EIF5: variants seen among roughly 807,000 people sequenced by gnomAD.
EIF5 encodes the protein eukaryotic translation initiation factor 5.
Under a neutral mutation model 48.3 loss-of-function variants are expected in EIF5, and 10 were observed. The observed-to-expected ratio is 0.21, with a 90% CI of 0.13 to 0.35. The LOEUF is 0.35. Ranked by LOEUF, EIF5 falls within the 10% of genes least tolerant of loss-of-function variation. The pLI, the probability that EIF5 is intolerant of heterozygous loss-of-function variation, is 1.00. For missense variants in EIF5, 397 were observed against 533.2 expected, an observed-to-expected ratio of 0.74 and a Z score of 2.51; for synonymous variants, 237 against 173.1, an observed-to-expected ratio of 1.37 and a Z score of -2.90.
At position 103,343,703 on chromosome 14, in the gene EIF5, A is replaced by G. The variant is rs926632331; in HGVS notation, c.*2651A>G. ...GAGATGGCAGAAGTGAAAGCTGGCC[A>G]TCTGCAAAAAGCAGATAAGTGAGTT... On this transcript the variant is annotated 3_prime_UTR_variant, in exon 12 of 12. Transcript: ENST00000216554. The G allele has an allele frequency of 6.6e-5, 10 of 152,242 alleles. No individual in the cohort carries two copies. The highest frequency in any genetic ancestry group is 2.4e-4 in the African/African-American group (10 of 41,470). 9.4% of individuals were successfully genotyped at this position (152,242 alleles called of 1,614,324 possible).
intron 2 of EIF5, 134 bp from the exon 3 acceptor site, chr14:103,335,519 G>A (rs1345100604): frequency 5.9e-6 from 2 of 339,830 alleles, no homozygotes; most frequent in East Asian, 1.3e-4. Flanking sequence ...ATGGCTGTTT[G>A]CATGTGATCT....
In EIF5 at chr14:103,340,472, G is replaced by A; in HGVS notation, c.1117G>A (p.Val373Ile). ...CAAAGAACTTGCCAAAGAGATTCGT[G>A]TCAAAGCAGAACCATTTATAAAATG... ...VSKELAKEIRVKAEPFIKWLK... is the reference protein window; with the variant it reads ...VSKELAKEIRIKAEPFIKWLK... Residue 373 changes from valine to isoleucine, a missense_variant, in exon 11 of 12, where the codon GTC becomes ATC. Physicochemically the swap from Val to Ile is conservative, Grantham distance 29. This residue lies in a region of EIF5 where 160 missense variants were observed against 184.8 expected (regional missense o/e 0.87). Transcript: ENST00000216554. The A allele has an allele frequency of 6.2e-7, 1 of 1,610,618 alleles. No homozygotes were observed. Among genetic ancestry groups the A allele is most frequent in the Non-Finnish European group, 8.5e-7 (1 of 1,176,934 alleles).
At chr14:103,337,695 A>G (rs2140360012) in intron 6 of EIF5, 5 of 382,192 alleles carry the variant, frequency 1.3e-5, no homozygotes, top group South Asian at 1.0e-4. Context: ...TTAAAGGTGA[A>G]AAATAGGCTG....
rs1174607237 is a variant in EIF5, at chr14:103,344,170, C to G, written c.*3118C>G. ...ACAGCAAATGACTTGCAGGTAGTCT[C>G]ATTGTAGGTTTGTGCACCAGAGTGA... On this transcript the variant is annotated 3_prime_UTR_variant, in exon 12 of 12. Transcript: ENST00000216554. 6.6e-6 allele frequency: 1 copy of G among 152,184 alleles called. No individual in the cohort carries two copies. The highest frequency in any genetic ancestry group is 1.9e-4 in the East Asian group (1 of 5,198). 9.4% of individuals were successfully genotyped at this position (152,184 alleles called of 1,614,324 possible).
In EIF5 at chr14:103,342,777, G is replaced by A. The variant is rs4906315; in HGVS notation, c.*1725G>A. The A allele has an allele frequency of 0.026, 3,983 of 152,672 alleles. 286 individuals are homozygous for A. The highest frequency in any genetic ancestry group is 0.22 in the East Asian group (1,160 of 5,178). 9.5% of individuals were successfully genotyped at this position (152,672 alleles called of 1,614,324 possible). A position where few individuals can be genotyped will look rare whatever the true frequency, so the allele number is the denominator to read the frequency against. On this transcript the variant is annotated 3_prime_UTR_variant, in exon 12 of 12. Coordinates refer to ENST00000216554, the MANE Select transcript of EIF5 (RefSeq NM_001969.5). ...GAATGTGCTTTGTCACACCAAAGAG[G>A]ATTTTTTTTTCTTCAAACTTGTATG...
intron 7 of EIF5, 57 bp downstream of exon 7, chr14:103,338,529 T>G: frequency 6.6e-7 from 1 of 1,524,648 alleles, no homozygotes; most frequent in Non-Finnish European, 8.8e-7. Flanking sequence ...TATATGGCAT[T>G]TGGTTGAGGT....
At position 103,343,244 on chromosome 14, in the gene EIF5, C is replaced by G. The variant is rs1248100371; in HGVS notation, c.*2192C>G. The stretch of plus-strand genomic sequence containing the variant: ...TGAGATCAAAGCATTGGAATCTGCC[C>G]TGTTTTGTAGCCGTTGCTTTGGATT... On this transcript the variant is annotated 3_prime_UTR_variant, in exon 12 of 12. Transcript: ENST00000216554. The G allele has an allele frequency of 6.6e-6, 1 of 152,202 alleles. No individual in the cohort carries two copies. Among genetic ancestry groups the G allele is most frequent in the Non-Finnish European group, 1.5e-5 (1 of 68,004 alleles). 9.4% of individuals were successfully genotyped at this position (152,202 alleles called of 1,614,324 possible). A position where few individuals can be genotyped will look rare whatever the true frequency, so the allele number is the denominator to read the frequency against.
At position 103,342,146 on chromosome 14, in the gene EIF5, T is replaced by C. The variant is rs1400446306; in HGVS notation, c.*1094T>C. ...CTTGATTTTCTTTCCTTTTTCTTTT[T>C]TTTTTCTTCCAGAATGTCTTATTTA... On this transcript the variant is annotated 3_prime_UTR_variant, in exon 12 of 12. Coordinates refer to ENST00000216554, the MANE Select transcript of EIF5 (RefSeq NM_001969.5). The C allele has an allele frequency of 1.3e-5, 2 of 152,640 alleles. No homozygotes were observed. Among genetic ancestry groups the C allele is most frequent in the Non-Finnish European group, 2.9e-5 (2 of 68,032 alleles). The allele number at this position is 152,640 out of a possible 1,614,324, so 9.5% of individuals were successfully genotyped here.
At chr14:103,338,703 C>T in intron 7 of EIF5, 32 bp from the exon 8 acceptor site, 1 of 1,602,046 alleles carries the variant, frequency 6.2e-7, no homozygotes, top group Non-Finnish European at 8.5e-7. Context: ...TTTTTAAGGC[C>T]TTTGATCAAG....
In EIF5 at chr14:103,344,282, C is replaced by T. The variant is rs539394137; in HGVS notation, c.*3230C>T. ...AGCCAAACAGTTTTTTTCTGGGAATCAAATTTCTGTGGTTTTTATGGCCAG... is the reference window on the plus strand; with the variant it reads ...AGCCAAACAGTTTTTTTCTGGGAATTAAATTTCTGTGGTTTTTATGGCCAG... On this transcript the variant is annotated 3_prime_UTR_variant, in exon 12 of 12. Transcript: ENST00000216554. 3.9e-5 allele frequency: 6 copies of T among 152,222 alleles called. 1 individual carries two copies. In the South Asian group the frequency reaches 1.2e-3, roughly 32 times the overall value. 9.4% of individuals were successfully genotyped at this position (152,222 alleles called of 1,614,324 possible). A position where few individuals can be genotyped will look rare whatever the true frequency, so the allele number is the denominator to read the frequency against.
At chr14:103,336,994 T>TTA in intron 5 of EIF5, 122 bp from the exon 6 acceptor site, 2 of 1,358,410 alleles carry the variant, frequency 1.5e-6, no homozygotes, top group Non-Finnish European at 2.0e-6. Context: ...ATTCTTTTTT[T>TTA]TAAAGTAGGT....
At chr14:103,339,446 C>A in intron 9 of EIF5, 113 bp downstream of exon 9, 3 of 1,444,024 alleles carry the variant, frequency 2.1e-6, no homozygotes, top group Non-Finnish European at 2.8e-6. Flanking sequence ...GAAATTGACC[C>A]ACCTTACAAG....
chr14:103,337,247 C>G lies in EIF5; in HGVS notation c.439+20C>G. Reference sequence around the variant, plus strand: ...CACCTGGTGAGTCTTCCATGATGAACTCCTAAGATCCTAAGATAAGTTACT... The same window carrying G: ...CACCTGGTGAGTCTTCCATGATGAAGTCCTAAGATCCTAAGATAAGTTACT... On this transcript the variant is annotated intron_variant, in intron 6 of 11. Coordinates refer to ENST00000216554, the MANE Select transcript of EIF5 (RefSeq NM_001969.5). The G allele has an allele frequency of 6.4e-7, 1 of 1,568,660 alleles. No homozygotes were observed. The highest frequency in any genetic ancestry group is 8.7e-7 in the Non-Finnish European group (1 of 1,149,878).
At chr14:103,340,591 A>G in intron 11 of EIF5, 30 bp downstream of exon 11, 20 of 1,599,514 alleles carry the variant, frequency 1.3e-5, no homozygotes, top group Non-Finnish European at 1.5e-5. Context: ...GGTATTGGAT[A>G]CAGTGCTGGC....
At chr14:103,338,090 C>T (rs887242619) in intron 6 of EIF5, 7 of 642,216 alleles carry the variant, frequency 1.1e-5, no homozygotes, top group Middle Eastern at 7.1e-4. Context: ...CTTACTCTTT[C>T]TTAGCAGTTA....
At position 103,344,108 on chromosome 14, in the gene EIF5, A is replaced by G. The variant is rs937070306; in HGVS notation, c.*3056A>G. On this transcript the variant is annotated 3_prime_UTR_variant, in exon 12 of 12. Transcript: ENST00000216554. ...CTTTGGTCATCTCTGTCCCCAGTACAGATCTTGATTCATAGTGACATTCCA... is the reference window on the plus strand; with the variant it reads ...CTTTGGTCATCTCTGTCCCCAGTACGGATCTTGATTCATAGTGACATTCCA... 2 of 152,232 alleles carry G rather than the reference A, an allele frequency of 1.3e-5. No homozygotes were observed. The highest frequency in any genetic ancestry group is 2.4e-5 in the African/African-American group (1 of 41,456). The allele number at this position is 152,232 out of a possible 1,614,324, so 9.4% of individuals were successfully genotyped here.
At chr14:103,340,189 ATGTCTTAATATCTATAGCTAAAGTTCAG>A (rs1187876400) in intron 10 of EIF5, among the ~76,000 whole-genome samples, 1 of 152,144 alleles carries the variant, frequency 6.6e-6, no homozygotes, top group Non-Finnish European at 1.5e-5. Flanking sequence ...TGAAGAAAAA[ATGTCTTAATATCTATAGCTAAAGTTCAG>A]TGCCTGTGCT....
At chr14:103,337,597 CA>C (rs1263991000) in intron 6 of EIF5, 2 of 325,966 alleles carry the variant, frequency 6.1e-6, no homozygotes, top group Non-Finnish European at 1.2e-5. Flanking sequence ...GACTCTGTCT[CA>C]AAAAAACAAT....
chr14:103,336,609 C>T (rs1235225550), intron 4 of EIF5, 68 bp from the exon 5 acceptor site: 1 of 1,446,712 alleles, frequency 6.9e-7, no homozygotes, highest in Non-Finnish European at 9.3e-7. Flanking sequence ...GGTGTTCGTA[C>T]AAATGTGAGT....
Sources: gnomAD v4.1 joint callset for allele counts (sites outside exome capture counted in the v4.1 genomes callset) on GRCh38, gnomAD v4.1.1 for gene constraint, gnomAD v4.1.1 regional missense constraint, MANE v1.5 for transcripts, NCBI Gene and HGNC (gene_info 2026-07-23, HGNC 2026-07-21) for gene names.